The following TBC1D15 variants were observed in gnomAD, a reference collection of about 807,000 sequenced individuals.
The protein encoded by TBC1D15 is GAP for RAB7.
A neutral mutation model predicts 95.4 loss-of-function variants in TBC1D15; 39 were observed. That is an observed-to-expected ratio of 0.41 (90% CI 0.32 to 0.53). TBC1D15 has a LOEUF of 0.53. Among genes scored for constraint, TBC1D15 ranks in the 20% least tolerant of loss-of-function variants. The pLI, the probability that TBC1D15 is intolerant of heterozygous loss-of-function variation, is 0.29. For synonymous variants in TBC1D15, 258 were observed against 261.3 expected (o/e 0.99, Z 0.12); for missense variants, 733 against 794.3 (o/e 0.92, Z 0.93).
At chr12:71,845,097 C>T (rs1474426522) in intron 1 of TBC1D15, among the ~76,000 whole-genome samples, 1 of 152,136 alleles carries the variant, frequency 6.6e-6, no homozygotes, top group African/African-American at 2.4e-5. Flanking sequence ...GAACAGAATA[C>T]ACCTGAAAAA....
intron 9 of TBC1D15, among the ~76,000 whole-genome samples, chr12:71,897,443 T>C (rs966991476): frequency 5.3e-5 from 8 of 152,058 alleles, no homozygotes; most frequent in Non-Finnish European, 1.0e-4. Flanking sequence ...TGCAATAAAC[T>C]GCTTGGAAAT....
intron 1 of TBC1D15, among the ~76,000 whole-genome samples, chr12:71,869,553 C>T (rs1338546685): frequency 6.6e-6 from 1 of 152,004 alleles, no homozygotes; most frequent in Non-Finnish European, 1.5e-5. Flanking sequence ...CAAAACAAAA[C>T]TCAAGTACAG....
chr12:71,911,692 G>A (rs1902394901), intron 11 of TBC1D15, among the ~76,000 whole-genome samples: 1 of 151,074 alleles, frequency 6.6e-6, no homozygotes, highest in African/African-American at 2.4e-5. Flanking sequence ...ATTAATGGGT[G>A]CAGCACACCA....
intron 1 of TBC1D15, chr12:71,850,118 C>T: frequency 1.9e-6 from 1 of 525,286 alleles, no homozygotes; most frequent in Middle Eastern, 4.4e-4. Flanking sequence ...GGAGTTATCT[C>T]AGCTTTCAAA....
intron 10 of TBC1D15, among the ~76,000 whole-genome samples, chr12:71,906,304 C>T (rs770633593): frequency 6.6e-6 from 1 of 152,186 alleles, no homozygotes; most frequent in Non-Finnish European, 1.5e-5. Context: ...TTACTTCTTC[C>T]TAATTTACTG....
At chr12:71,873,222 C>T (rs924690968) in intron 3 of TBC1D15, among the ~76,000 whole-genome samples, 1 of 152,164 alleles carries the variant, frequency 6.6e-6, no homozygotes. Flanking sequence ...CTCATTTCAC[C>T]TACTTTCAGT....
intron 1 of TBC1D15, among the ~76,000 whole-genome samples, chr12:71,864,667 C>T (rs1309698817): frequency 1.3e-5 from 2 of 151,852 alleles, no homozygotes; most frequent in Non-Finnish European, 1.5e-5. Context: ...CCACCATGCC[C>T]GCCTAATTTT....
intron 1 of TBC1D15, among the ~76,000 whole-genome samples, chr12:71,865,489 G>A (rs533226066): frequency 6.6e-6 from 1 of 152,146 alleles, no homozygotes; most frequent in African/African-American, 2.4e-5. Flanking sequence ...CAAGACCTTG[G>A]GATGGTGGGG....
chr12:71,846,935 A>AT (rs1320797664), intron 1 of TBC1D15, among the ~76,000 whole-genome samples: 1 of 151,442 alleles, frequency 6.6e-6, no homozygotes, highest in African/African-American at 2.4e-5. Context: ...TAGTTTTTGT[A>AT]TTTTTTGTAG....
At position 71,898,013 on chromosome 12, in the gene TBC1D15, GAAGAT is replaced by G. The variant is rs1462783593; in HGVS notation, c.1183+74_1183+78del. Reference sequence around the variant, plus strand: ...GAAATCTTGATAAGAGTAAAGAAGTGAAGATACATGGTAATAGCACTAGGGCTCAA... The same window carrying G: ...GAAATCTTGATAAGAGTAAAGAAGTGACATGGTAATAGCACTAGGGCTCAA... On this transcript the variant is annotated intron_variant, in intron 10 of 16. Transcript: ENST00000485960. 8.9e-6 allele frequency: 10 copies of G among 1,121,786 alleles called. No individual in the cohort carries two copies. In the African/African-American group the frequency reaches 1.5e-4, roughly 17 times the overall value. The allele number at this position is 1,121,786 out of a possible 1,614,324, so 69.5% of individuals were successfully genotyped here.
chr12:71,886,975 C>A (rs976343862), intron 5 of TBC1D15, among the ~76,000 whole-genome samples: 1 of 152,090 alleles, frequency 6.6e-6, no homozygotes, highest in South Asian at 2.1e-4. Context: ...TAGCTCCTCT[C>A]TCCTTTTTAC....
chr12:71,850,704 T>C (rs1195115981), intron 1 of TBC1D15, among the ~76,000 whole-genome samples: 3 of 152,132 alleles, frequency 2.0e-5, no homozygotes, highest in Non-Finnish European at 4.4e-5. Context: ...AAGAAATAGC[T>C]GAGGCCGGGC....
intron 3 of TBC1D15, among the ~76,000 whole-genome samples, chr12:71,877,711 A>G (rs1894265142): frequency 6.6e-6 from 1 of 152,166 alleles, no homozygotes; most frequent in Non-Finnish European, 1.5e-5. Context: ...CTTTTAAAGG[A>G]ATAGCATTAG....
At chr12:71,921,123 A>G (rs1035819254) in intron 15 of TBC1D15, among the ~76,000 whole-genome samples, 2 of 152,222 alleles carry the variant, frequency 1.3e-5, no homozygotes, top group South Asian at 2.1e-4. Flanking sequence ...TAACTTTGAG[A>G]TATCAGACTT....
At chr12:71,883,649 A>G (rs561313630) in intron 4 of TBC1D15, among the ~76,000 whole-genome samples, 1 of 152,242 alleles carries the variant, frequency 6.6e-6, no homozygotes, top group Non-Finnish European at 1.5e-5. Flanking sequence ...CTTGTAAGCA[A>G]CTTCCTTCTA....
Position 71,880,482 on chromosome 12 carries a change from T to C in TBC1D15, c.218T>C (p.Val73Ala). The change falls in exon 4 of 17, where the codon GTT becomes GCT. Residue 73 changes from valine to alanine, a missense_variant. By Grantham distance (64) the Val-to-Ala change is moderately conservative. Transcript: ENST00000485960. ...ILYARKDSSS[V>A]VEWTQAPKER... Reference sequence around the variant, plus strand: ...TAATTATTTTAGGACTCCAGTTCAGTTGTAGAATGGACTCAGGCCCCAAAA... The same window carrying C: ...TAATTATTTTAGGACTCCAGTTCAGCTGTAGAATGGACTCAGGCCCCAAAA... The C allele has an allele frequency of 6.3e-7, 1 of 1,596,610 alleles. No homozygotes were observed. Among genetic ancestry groups the C allele is most frequent in the South Asian group, 1.1e-5 (1 of 89,086 alleles).
chr12:71,911,472 A>G (rs1902296083), intron 11 of TBC1D15, among the ~76,000 whole-genome samples: 1 of 151,876 alleles, frequency 6.6e-6, no homozygotes, highest in African/African-American at 2.4e-5. Flanking sequence ...TGTCCTTTGT[A>G]GGGACATGGA....
At chr12:71,898,813 A>G (rs529195637) in intron 10 of TBC1D15, among the ~76,000 whole-genome samples, 20 of 152,268 alleles carry the variant, frequency 1.3e-4, no homozygotes, top group Middle Eastern at 3.4e-3. Flanking sequence ...AGAAAGCCCA[A>G]CGTAACAGGC....
intron 12 of TBC1D15, among the ~76,000 whole-genome samples, chr12:71,914,374 G>C (rs1287705488): frequency 1.3e-5 from 2 of 151,920 alleles, no homozygotes; most frequent in Non-Finnish European, 2.9e-5. Context: ...TGAACTATTT[G>C]TAACTCTGAC....
Sources: gnomAD v4.1 joint callset for allele counts (sites outside exome capture counted in the v4.1 genomes callset) on GRCh38, gnomAD v4.1.1 for gene constraint, MANE v1.5 for transcripts, NCBI Gene and HGNC (gene_info 2026-07-23, HGNC 2026-07-21) for gene names.